HEATR4: variants seen among roughly 807,000 people sequenced by gnomAD.
HEATR4 encodes the protein HEAT repeat-containing protein 4.
A neutral mutation model predicts 108.8 loss-of-function variants in HEATR4; 95 were observed. The observed-to-expected ratio is 0.87, with a 90% CI of 0.74 to 1.04. The LOEUF (loss-of-function observed/expected upper bound fraction) is 1.04. Among genes scored for constraint, HEATR4 ranks in the 50% least tolerant of loss-of-function variants. The pLI is 0.00. For missense variants in HEATR4, 1,152 were observed against 1,253.8 expected (o/e 0.92, Z 1.23); for synonymous variants, 443 against 459.4 (o/e 0.96, Z 0.46).
rs1220169942 is a variant in HEATR4 at position 73,537,185 on chromosome 14, T to C, written c.-151-6941A>G. On this transcript the variant is annotated intron_variant, in intron 1 of 17. Transcript: ENST00000553558. ...GCTTCTGAAAAGCAAACCTAGGAAG[T>C]TGCTTTCCAACATAAAGTGGAGGTT... is the stretch of plus-strand genomic sequence containing the variant. The C allele has an allele frequency of 4.8e-5, 19 of 398,328 alleles. 5 individuals carry two copies. Among genetic ancestry groups the C allele is most frequent in the Admixed American group, 1.7e-4 (3 of 17,382 alleles). The allele number at this position is 398,328 out of a possible 1,614,324, so 24.7% of individuals were successfully genotyped here. A position where few individuals can be genotyped will look rare whatever the true frequency, so the allele number is the denominator to read the frequency against.
chr14:73,598,315 G>A, the HEATR4 span, among the ~76,000 whole-genome samples: 272 of 150,086 alleles, frequency 1.8e-3, 1 homozygote, highest in African/African-American at 6.3e-3. Context: ...GTGTGAACCC[G>A]GGAGGCAGAA....
the HEATR4 span, among the ~76,000 whole-genome samples, chr14:73,627,372 C>T: frequency 6.6e-6 from 1 of 152,036 alleles, no homozygotes; most frequent in Non-Finnish European, 1.5e-5. Context: ...TCAGATCCCA[C>T]AGGTTGAGGA....
In HEATR4 at chr14:73,506,556, T is replaced by C. The variant is rs760529326; in HGVS notation, c.1897A>G (p.Met633Val). The C allele has an allele frequency of 1.2e-5, 19 of 1,613,250 alleles. No homozygotes were observed. The highest frequency in any genetic ancestry group is 1.6e-4 in the Middle Eastern group (1 of 6,082). ...LSEKTTLIHTMLAVELNSCQW... is the reference protein window; with the variant it reads ...LSEKTTLIHTVLAVELNSCQW... The stretch of plus-strand genomic sequence containing the variant: ...CAGCTGTTCAGCTCCACAGCAAGCA[T>C]GGTGTGTATCAGGGTCTGAGGAAAT... The change falls in exon 10 of 18, where the codon ATG becomes GTG. Residue 633 changes from methionine (M) to valine (V), a missense_variant. Met to Val is a conservative substitution (Grantham distance 21). Transcript: ENST00000553558.
the HEATR4 span, chr14:73,620,021 C>T: frequency 5.0e-5 from 31 of 622,362 alleles, no homozygotes; most frequent in African/African-American, 5.6e-4. Flanking sequence ...AAGCTGTTCT[C>T]CGACCTCAGA....
Position 73,514,209 on chromosome 14 carries a change from C to T in HEATR4, c.1236G>A (p.Leu412=), listed in dbSNP as rs966553627. 1.2e-6 allele frequency: 2 copies of T among 1,614,072 alleles called. No individual in the cohort carries two copies. The highest frequency in any genetic ancestry group is 1.7e-5 in the Admixed American group (1 of 59,986). The change falls in exon 6 of 18, where the codon CTG becomes CTA. Residue 412 remains leucine, a synonymous_variant. Transcript: ENST00000553558. ...EASYRPVQGA[L]RWTALPTPAK... is the part of the protein sequence containing the mutation. ...CGGGGGTGGGCAAAGCAGTCCAGCG[C>T]AGGGCTCCTTGCACAGGTCTGTAAG... is the stretch of plus-strand genomic sequence containing the variant.
At chr14:73,489,928 G>C (rs1885610083) in intron 17 of HEATR4, among the ~76,000 whole-genome samples, 2 of 152,236 alleles carry the variant, frequency 1.3e-5, no homozygotes, top group South Asian at 4.1e-4. Context: ...CTGCAGAGCA[G>C]AAGTTTCTGC....
intron 17 of HEATR4, chr14:73,490,838 A>G (rs1885658624): frequency 3.5e-6 from 2 of 570,678 alleles, no homozygotes; most frequent in African/African-American, 1.9e-5. Flanking sequence ...TACAGCTTGA[A>G]GCCAAACATT....
At chr14:73,630,967 C>A in the HEATR4 span, among the ~76,000 whole-genome samples, 2 of 152,136 alleles carry the variant, frequency 1.3e-5, no homozygotes, top group Admixed American at 1.3e-4. Flanking sequence ...CAAGTCCTTG[C>A]TTTTCAGAGA....
At chr14:73,570,341 G>T in the HEATR4 span, among the ~76,000 whole-genome samples, 2 of 151,752 alleles carry the variant, frequency 1.3e-5, no homozygotes, top group Non-Finnish European at 2.9e-5. Flanking sequence ...AAGTCTCGGC[G>T]GGCAGATCAC....
chr14:73,581,703 A>G, the HEATR4 span: 2 of 130,304 alleles, frequency 1.5e-5, no homozygotes, highest in African/African-American at 5.9e-5. Context: ...CCATTTGCCA[A>G]GGTCATAGAT....
chr14:73,491,023 T>C (rs747930339), intron 17 of HEATR4: 2 of 1,506,288 alleles, frequency 1.3e-6, no homozygotes, highest in African/African-American at 1.4e-5. Context: ...TGGCCATGGA[T>C]GGGCTCCAGG....
rs367555497 is a variant in HEATR4 at position 73,505,017 on chromosome 14, C to G, written c.1986+1450G>C. Among the ~76,000 whole-genome samples, 6 of 151,582 alleles carry G rather than the reference C, an allele frequency of 4.0e-5. No individual in the cohort carries two copies. In the South Asian group the frequency reaches 1.3e-3, roughly 32 times the overall value. ...CACGATCTTGGCTCACTGAAACCGCCGCCTCCCAGGTTTAAGCGATTCTCC... is the reference window on the plus strand; with the variant it reads ...CACGATCTTGGCTCACTGAAACCGCGGCCTCCCAGGTTTAAGCGATTCTCC... On this transcript the variant is annotated intron_variant, in intron 10 of 17. Coordinates refer to ENST00000553558, the MANE Select transcript of HEATR4 (RefSeq NM_001220484.1).
At chr14:73,581,443 A>G in the HEATR4 span, 1 of 150,844 alleles carries the variant, frequency 6.6e-6, no homozygotes, top group African/African-American at 2.4e-5. Flanking sequence ...ATGCCTCGTG[A>G]TGTGTGTGTG....
chr14:73,597,999 C>G, the HEATR4 span, among the ~76,000 whole-genome samples: 1 of 151,662 alleles, frequency 6.6e-6, no homozygotes, highest in African/African-American at 2.4e-5. Flanking sequence ...ACTGGGATTA[C>G]AGGTGTGAGC....
At chr14:73,607,429 G>C in the HEATR4 span, among the ~76,000 whole-genome samples, 1 of 152,210 alleles carries the variant, frequency 6.6e-6, no homozygotes, top group East Asian at 1.9e-4. Context: ...GAGGGCTCTG[G>C]ACCCAGACCA....
At chr14:73,589,412 C>CA in the HEATR4 span, among the ~76,000 whole-genome samples, 3 of 152,032 alleles carry the variant, frequency 2.0e-5, no homozygotes, top group Non-Finnish European at 4.4e-5. Flanking sequence ...CTCTGCCTGC[C>CA]AGGTTCAAGC....
the HEATR4 span, chr14:73,569,809 A>G: frequency 1.9e-6 from 3 of 1,601,422 alleles, no homozygotes; most frequent in Admixed American, 5.1e-5. Context: ...CACGAGCGCT[A>G]CTTCCTCCCG....
At chr14:73,601,597 C>A in the HEATR4 span, among the ~76,000 whole-genome samples, 50,915 of 152,094 alleles carry the variant, frequency 0.33, 9,910 homozygotes, top group East Asian at 0.64. Flanking sequence ...TATAAGTCAG[C>A]AAACCAATAT....
At position 73,531,576 on chromosome 14, in the gene HEATR4, T is replaced by C. The variant is rs1170258367; in HGVS notation, c.-151-1332A>G. On this transcript the variant is annotated intron_variant, in intron 1 of 17. Coordinates refer to ENST00000553558, the MANE Select transcript of HEATR4 (RefSeq NM_001220484.1). ...AGGCCACACCACCACGCCCCACTAA[T>C]TGTTGTACTTTTAGTAGAGATGGGG... is the stretch of plus-strand genomic sequence containing the variant. 1.8e-5 allele frequency among the ~76,000 whole-genome samples: 2 copies of C among 109,026 alleles called. 1 individual carries two copies. The highest frequency in any genetic ancestry group is 3.9e-5 in the Non-Finnish European group (2 of 50,676). 71.5% of individuals were successfully genotyped at this position (109,026 alleles called of 152,430 possible). A position where few individuals can be genotyped will look rare whatever the true frequency, so the allele number is the denominator to read the frequency against.
Sources: allele counts gnomAD v4.1 joint callset (sites outside exome capture counted in the v4.1 genomes callset), GRCh38; gene constraint gnomAD v4.1.1; transcripts MANE v1.5; gene names NCBI Gene and HGNC (gene_info 2026-07-23, HGNC 2026-07-21).